PCDHGA8: variants seen among roughly 807,000 people sequenced by gnomAD.
PCDHGA8 encodes the protein protocadherin gamma subfamily A, 8, also known as protocadherin gamma-A8.
PCDHGA8 carries 45 observed loss-of-function variants against 59.2 expected under a neutral mutation model. The observed-to-expected ratio is 0.76, with a 90% CI of 0.60 to 0.98. The LOEUF is 0.98. PCDHGA8 is among the 50% of genes least tolerant of loss of function. The pLI is 0.00. For missense variants in PCDHGA8, 1,257 were observed against 1,196.2 expected (o/e 1.05, Z -0.75); for synonymous variants, 531 against 519.0 (o/e 1.02, Z -0.32).
chr5:141,401,564 C>A (rs2094168610), intron 1 of PCDHGA8, among the ~76,000 whole-genome samples: 1 of 152,204 alleles, frequency 6.6e-6, no homozygotes, highest in African/African-American at 2.4e-5. Flanking sequence ...GCCTGAATTT[C>A]TCTTGCTCGG....
intron 1 of PCDHGA8, chr5:141,399,003 A>T: frequency 6.2e-7 from 1 of 1,613,966 alleles, no homozygotes; most frequent in Non-Finnish European, 8.5e-7. Context: ...GTCTGAATTC[A>T]AAGAGCGGAG....
intron 1 of PCDHGA8, among the ~76,000 whole-genome samples, chr5:141,492,632 C>T (rs1359761285): frequency 1.3e-5 from 2 of 152,256 alleles, no homozygotes; most frequent in Admixed American, 1.3e-4. Context: ...CAGGACTCTA[C>T]GATCCTTGGG....
rs751976949 is a variant in PCDHGA8, at chr5:141,414,873, C to A, written c.2424+19636C>A. The A allele has an allele frequency of 6.2e-6, 10 of 1,614,108 alleles. No homozygotes were observed. The Admixed American group carries it at 1.2e-4, about 19-fold the overall frequency. ...ACCAGAACGACAATGCGCCCGAGAT[C>A]CTGTACCCCGCCCTCCCCACAGACG... On this transcript the variant is annotated intron_variant, in intron 1 of 3. Transcript: ENST00000398604.
chr5:141,431,610 T>A lies in PCDHGA8; in HGVS notation c.2424+36373T>A. The stretch of plus-strand genomic sequence containing the variant: ...GAAGTGAGGTATTCCTTCCGGTATG[T>A]GGACGACAAGGCGGCCCAAGTTTTC... On this transcript the variant is annotated intron_variant, in intron 1 of 3. Transcript: ENST00000398604. The surrounding 1 kb of genome is among the most constrained non-coding windows in gnomAD (Gnocchi z 4.8). 6.2e-7 allele frequency: 1 copy of A among 1,614,238 alleles called. No homozygotes were observed. Among genetic ancestry groups the A allele is most frequent in the Non-Finnish European group, 8.5e-7 (1 of 1,180,034 alleles).
intron 2 of PCDHGA8, among the ~76,000 whole-genome samples, chr5:141,503,456 A>G (rs920770738): frequency 1.3e-5 from 2 of 152,058 alleles, no homozygotes; most frequent in African/African-American, 4.8e-5. Context: ...TTCGCTGGGC[A>G]TGGTGGCATG....
At chr5:141,398,604 T>C (rs2093677345) in intron 1 of PCDHGA8, 1 of 1,613,930 alleles carries the variant, frequency 6.2e-7, no homozygotes, top group South Asian at 1.1e-5. Flanking sequence ...TAGCAGAAGA[T>C]GCAGATATTG....
intron 1 of PCDHGA8, chr5:141,417,692 C>T (rs2096147964): frequency 1.8e-6 from 2 of 1,089,118 alleles, no homozygotes; most frequent in Non-Finnish European, 2.5e-6. Flanking sequence ...AAAAGAAAAC[C>T]AGCTCCCACA....
At chr5:141,421,119 C>A (rs542039688) in intron 1 of PCDHGA8, 2 of 772,768 alleles carry the variant, frequency 2.6e-6, no homozygotes, top group South Asian at 1.9e-5. Flanking sequence ...TATTTTCCTT[C>A]GCTTTCTGAT....
intron 1 of PCDHGA8, among the ~76,000 whole-genome samples, chr5:141,435,219 C>A (rs1226171884): frequency 6.6e-6 from 1 of 152,118 alleles, no homozygotes; most frequent in Non-Finnish European, 1.5e-5. Flanking sequence ...AATTTACTTT[C>A]TTTCAAAGTT....
chr5:141,409,172 G>C (rs574905228), intron 1 of PCDHGA8: 1 of 1,614,006 alleles, frequency 6.2e-7, no homozygotes, highest in Non-Finnish European at 8.5e-7. Context: ...AGCGAAGGAC[G>C]GAGGTGGTCT....
At position 141,480,425 on chromosome 5, in the gene PCDHGA8, AT is replaced by A. The variant is rs553131122; in HGVS notation, c.2425-14380del. On this transcript the variant is annotated intron_variant, in intron 1 of 3. Transcript: ENST00000398604. ...GTGAGACCCTGTCTCAAAAAAAAAA[AT>A]TATCAGCTATTACTATAATTATTTT... 2.3e-4 allele frequency among the ~76,000 whole-genome samples: 34 copies of A among 149,340 alleles called. 1 individual carries two copies. In the South Asian group the frequency reaches 6.0e-3, roughly 26 times the overall value.
intron 1 of PCDHGA8, among the ~76,000 whole-genome samples, chr5:141,459,755 G>A (rs1383912891): frequency 2.0e-5 from 3 of 152,182 alleles, no homozygotes; most frequent in African/African-American, 7.2e-5. Flanking sequence ...CAATTCTAGT[G>A]GGTGTGTGAT....
At chr5:141,410,189 G>A in intron 1 of PCDHGA8, 1 of 1,613,992 alleles carries the variant, frequency 6.2e-7, no homozygotes, top group Non-Finnish European at 8.5e-7. Context: ...GCTTCATCTG[G>A]TCTTCGCAGA....
chr5:141,486,391 C>T lies in PCDHGA8; in HGVS notation c.2425-8416C>T. The T allele has an allele frequency of 6.2e-7, 1 of 1,614,112 alleles. No individual in the cohort carries two copies. The highest frequency in any genetic ancestry group is 8.5e-7 in the Non-Finnish European group (1 of 1,179,984). Reference sequence around the variant, plus strand: ...AGTCTGCCTTCAGGAACCAGTTCTCCCTGGTGACTGCTGGACCCTTGGATC... The same window carrying T: ...AGTCTGCCTTCAGGAACCAGTTCTCTCTGGTGACTGCTGGACCCTTGGATC... On this transcript the variant is annotated intron_variant, in intron 1 of 3. Transcript: ENST00000398604. The surrounding 1 kb of genome is among the most constrained non-coding windows in gnomAD (Gnocchi z 5.0).
At chr5:141,505,564 G>GGATGTCAAACCTGTGTAGTTTCTCCA in intron 3 of PCDHGA8, 83 bp downstream of exon 3, 1 of 1,603,196 alleles carries the variant, frequency 6.2e-7, no homozygotes, top group Non-Finnish European at 8.5e-7. Context: ...CCCACGGACT[G>GGATGTCAAACCTGTGTAGTTTCTCCA]GATGTCAAAC....
intron 1 of PCDHGA8, chr5:141,411,443 G>A (rs780563062): frequency 6.6e-6 from 1 of 151,948 alleles, no homozygotes; most frequent in African/African-American, 2.4e-5. Context: ...CATTAGCAGA[G>A]TGTGGTAGCA....
At chr5:141,504,990 C>T (rs1056476591) in intron 2 of PCDHGA8, among the ~76,000 whole-genome samples, 3 of 151,976 alleles carry the variant, frequency 2.0e-5, no homozygotes, top group Non-Finnish European at 2.9e-5. Context: ...GGTGAAACCC[C>T]GTCTGTACTA....
At chr5:141,465,318 A>G (rs1440554123) in intron 1 of PCDHGA8, among the ~76,000 whole-genome samples, 1 of 152,198 alleles carries the variant, frequency 6.6e-6, no homozygotes, top group Non-Finnish European at 1.5e-5. Flanking sequence ...AGCCATGTCA[A>G]TGCAGTATTT....
chr5:141,394,428 G>A lies in PCDHGA8; in HGVS notation c.1615G>A (p.Asp539Asn), dbSNP rs199658498. The change falls in exon 1 of 4, where the codon GAC becomes AAC. Residue 539 changes from aspartate to asparagine, a missense_variant. By Grantham distance (23) the Asp-to-Asn change is conservative. Coordinates refer to ENST00000398604, the MANE Select transcript of PCDHGA8 (RefSeq NM_032088.2). ...QLLVTASDSG[D>N]PPLSSNMSLS... ...ACTGGTAACAGCCAGCGACAGCGGG[G>A]ACCCGCCCCTCAGCAGCAACATGTC... 332 of 1,614,232 alleles carry A rather than the reference G, an allele frequency of 2.1e-4. 3 individuals are homozygous for A. In the African/African-American group the frequency reaches 4.0e-3, roughly 19 times the overall value.
Sources: gnomAD v4.1 joint callset for allele counts (sites outside exome capture counted in the v4.1 genomes callset) on GRCh38, gnomAD v4.1.1 for gene constraint, Gnocchi (gnomAD v3.1) non-coding constraint, MANE v1.5 for transcripts, NCBI Gene and HGNC (gene_info 2026-07-23, HGNC 2026-07-21) for gene names.